The following SPG11 variants were observed in gnomAD, a reference collection of about 807,000 sequenced individuals.
SPG11 encodes SPG11 vesicle trafficking associated, spatacsin.
A neutral mutation model predicts 274.0 loss-of-function variants in SPG11; 222 were observed. The ratio of observed to expected loss-of-function variants is 0.81; its 90% confidence interval spans 0.73 to 0.91. The LOEUF (loss-of-function observed/expected upper bound fraction) is 0.91, where lower values mean the gene tolerates loss of function less well. Ranked by LOEUF, SPG11 falls within the 40% of genes least tolerant of loss-of-function variation. The pLI is 0.00. For synonymous variants in SPG11, 1,144 were observed against 1,039.7 expected (o/e 1.10, Z -1.93); for missense variants, 3,114 against 2,872.7 (o/e 1.08, Z -1.92).
chr15:44,617,381 T>C (rs1227203498), intron 15 of SPG11, among the ~76,000 whole-genome samples: 2 of 152,234 alleles, frequency 1.3e-5, no homozygotes, highest in Non-Finnish European at 2.9e-5. Flanking sequence ...CTACCCAGAA[T>C]TGATGTAATG....
chr15:44,606,125 G>C, intron 19 of SPG11, 34 bp from the exon 20 acceptor site: 1 of 1,591,440 alleles, frequency 6.3e-7, no homozygotes, highest in African/African-American at 1.3e-5. Context: ...AGAATTAGAA[G>C]TTCACTGATT....
At chr15:44,609,293 G>C (rs901899624) in intron 18 of SPG11, among the ~76,000 whole-genome samples, 4 of 151,718 alleles carry the variant, frequency 2.6e-5, no homozygotes, top group Non-Finnish European at 4.4e-5. Flanking sequence ...CACCACCCCC[G>C]GCTAATTTTT....
intron 9 of SPG11, 124 bp downstream of exon 9, chr15:44,629,109 T>C: frequency 1.7e-6 from 2 of 1,170,798 alleles, no homozygotes; most frequent in Non-Finnish European, 1.3e-6. Context: ...AACTACACAC[T>C]GACCTTACCC....
chr15:44,603,576 A>T (rs2083248349), intron 20 of SPG11, among the ~76,000 whole-genome samples: 1 of 152,200 alleles, frequency 6.6e-6, no homozygotes, highest in African/African-American at 2.4e-5. Flanking sequence ...AACCCAAGAA[A>T]ATATCAAACA....
chr15:44,588,652 C>CA (rs1462883904), intron 28 of SPG11: 2 of 437,240 alleles, frequency 4.6e-6, no homozygotes, highest in Non-Finnish European at 4.6e-6. Flanking sequence ...TAGTTGATAG[C>CA]AAAAAAGCAA....
At chr15:44,609,820 T>C (rs2083413374) in intron 18 of SPG11, among the ~76,000 whole-genome samples, 1 of 150,004 alleles carries the variant, frequency 6.7e-6, no homozygotes, top group African/African-American at 2.5e-5. Context: ...CAGCCTCGAC[T>C]TCCCAGGCTC....
Position 44,567,543 on chromosome 15 carries a change from G to T in SPG11, c.6635C>A (p.Pro2212His). 6.2e-7 allele frequency: 1 copy of T among 1,613,984 alleles called. No homozygotes were observed. The highest frequency in any genetic ancestry group is 8.5e-7 in the Non-Finnish European group (1 of 1,179,992). Residue 2212 changes from proline to histidine, a missense_variant, in exon 36 of 40, where the codon CCT becomes CAT. Coordinates refer to ENST00000261866, the MANE Select transcript of SPG11 (RefSeq NM_025137.4). ...ALLDYIKRCR[P>H]GDSEKHNMIA... ...CATATTGTGCTTTTCACTGTCTCCAGGACGGCAGCGTTTGATGTAGTCCAG... is the reference window on the plus strand; with the variant it reads ...CATATTGTGCTTTTCACTGTCTCCATGACGGCAGCGTTTGATGTAGTCCAG...
At chr15:44,581,207 T>C (rs1389669404) in intron 30 of SPG11, among the ~76,000 whole-genome samples, 1 of 152,106 alleles carries the variant, frequency 6.6e-6, no homozygotes, top group Admixed American at 6.5e-5. Context: ...AAATAACTAA[T>C]TTTCTTATTT....
chr15:44,654,274 C>T (rs2141113978), intron 4 of SPG11, among the ~76,000 whole-genome samples: 1 of 152,080 alleles, frequency 6.6e-6, no homozygotes, highest in South Asian at 2.1e-4. Context: ...CTTTGGGAGG[C>T]TGAGGCAGGT....
chr15:44,572,742 A>T lies in SPG11; in HGVS notation c.6284T>A (p.Leu2095Ter). Residue 2095 changes from leucine to a stop codon, truncating the protein, a stop_gained, in exon 33 of 40, where the codon TTG (leucine) becomes TAG (stop). Transcript: ENST00000261866. LOFTEE classifies it high-confidence loss of function. ...CTTATCCAACAACTTCATGCCTACCAATGTGCGGTCTTGACACAGAGTGGT... is the reference window on the plus strand; with the variant it reads ...CTTATCCAACAACTTCATGCCTACCTATGTGCGGTCTTGACACAGAGTGGT... ...QLTTLCQDRT[L>*]VGMKLLDKIS... 1 of 1,614,070 alleles carries T rather than the reference A, an allele frequency of 6.2e-7. No homozygotes were observed. Among genetic ancestry groups the T allele is most frequent in the African/African-American group, 1.3e-5 (1 of 75,030 alleles).
intron 7 of SPG11, among the ~76,000 whole-genome samples, chr15:44,643,901 C>T (rs888251445): frequency 4.0e-5 from 6 of 151,764 alleles, no homozygotes; most frequent in Middle Eastern, 3.2e-3. Flanking sequence ...TGGTGGCTCA[C>T]GCCTGTAATC....
At chr15:44,612,466 G>A (rs2083485886) in intron 17 of SPG11, among the ~76,000 whole-genome samples, 1 of 152,036 alleles carries the variant, frequency 6.6e-6, no homozygotes, top group Admixed American at 6.6e-5. Flanking sequence ...CTAGGCTGGA[G>A]TGCAGTGACA....
chr15:44,597,110 CTTTT>C (rs201600828), intron 23 of SPG11, 167 bp from the exon 24 acceptor site: 1,324 of 341,162 alleles, frequency 3.9e-3, no homozygotes, highest in Middle Eastern at 6.9e-3. Context: ...AAAGTAGATT[CTTTT>C]TTTTTTTTTT....
chr15:44,640,755 G>A (rs1033369070), intron 7 of SPG11, among the ~76,000 whole-genome samples: 17 of 151,912 alleles, frequency 1.1e-4, no homozygotes, highest in African/African-American at 3.6e-4. Context: ...TTTTTGAGGC[G>A]GAGTCTCATT....
chr15:44,586,059 G>A (rs924669972), intron 28 of SPG11, among the ~76,000 whole-genome samples: 2 of 136,740 alleles, frequency 1.5e-5, no homozygotes, highest in Admixed American at 8.2e-5. Flanking sequence ...ATCTCCGCTC[G>A]CTGCAACCTG....
chr15:44,593,799 G>A (rs1223776961), intron 26 of SPG11, among the ~76,000 whole-genome samples: 1 of 150,704 alleles, frequency 6.6e-6, no homozygotes, highest in African/African-American at 2.4e-5. Flanking sequence ...TGTCACCCAG[G>A]CTGCAGTGCA....
At chr15:44,628,399 C>T (rs1339099924) in intron 10 of SPG11, among the ~76,000 whole-genome samples, 1 of 152,224 alleles carries the variant, frequency 6.6e-6, no homozygotes, top group African/African-American at 2.4e-5. Flanking sequence ...TACCACTTCA[C>T]ATGGGTTTAG....
At chr15:44,584,643 T>TA in intron 29 of SPG11, 85 bp from the exon 30 acceptor site, 1 of 1,507,618 alleles carries the variant, frequency 6.6e-7, no homozygotes, top group Non-Finnish European at 9.0e-7. Flanking sequence ...ATATCATACT[T>TA]GTTTGGACAG....
intron 6 of SPG11, 65 bp from the exon 7 acceptor site, chr15:44,649,076 T>A (rs540124436): frequency 3.7e-5 from 50 of 1,349,562 alleles, no homozygotes; most frequent in Non-Finnish European, 5.2e-5. Context: ...GATTTAGGAA[T>A]TGATTTTTAA....
Sources: gnomAD v4.1 joint callset for allele counts (sites outside exome capture counted in the v4.1 genomes callset) on GRCh38, gnomAD v4.1.1 for gene constraint, MANE v1.5 for transcripts, NCBI Gene and HGNC (gene_info 2026-07-23, HGNC 2026-07-21) for gene names.